Variants in TNC observed in about 807,000 individuals in gnomAD.
TNC encodes tenascin C, also known as tenascin.
Under a neutral mutation model 202.4 loss-of-function variants are expected in TNC, and 109 were observed. The ratio of observed to expected loss-of-function variants is 0.54; its 90% CI spans 0.46 to 0.63. The LOEUF is 0.63. Ranked by LOEUF, TNC falls within the 30% of genes least tolerant of loss-of-function variation. The pLI is 0.00. For synonymous variants in TNC, 1,007 were observed against 1,089.7 expected, an observed-to-expected ratio of 0.92 and a Z score of 1.50; for missense variants, 2,756 against 2,833.3, an observed-to-expected ratio of 0.97 and a Z score of 0.62.
At chr9:115,072,362 C>T (rs1833530571) in intron 10 of TNC, among the ~76,000 whole-genome samples, 1 of 152,178 alleles carries the variant, frequency 6.6e-6, no homozygotes, top group South Asian at 2.1e-4. Flanking sequence ...GGGTGCCTGA[C>T]AATTTGAAAC....
At chr9:115,095,462 A>G (rs1835581656) in intron 1 of TNC, among the ~76,000 whole-genome samples, 1 of 56,878 alleles carries the variant, frequency 1.8e-5, no homozygotes, top group African/African-American at 6.8e-5. Flanking sequence ...ATATATGTAT[A>G]TATATATGTA....
Position 115,029,436 on chromosome 9 carries a change from G to C in TNC, c.6093C>G (p.Asn2031Lys). The change falls in exon 25 of 28, where the codon AAC becomes AAG. Residue 2031 changes from asparagine (N) to lysine (K), a missense_variant. Coordinates refer to ENST00000350763, the MANE Select transcript of TNC (RefSeq NM_002160.4). ...AGTTTTGGTAGAAGTTCTCGCGTCC[G>C]TTTTTGCGTCTCAGGAACACCTATA... ...GGWIVFLRRK[N>K]GRENFYQNWK... is the part of the protein sequence containing the mutation. 1 of 1,614,102 alleles carries C rather than the reference G, an allele frequency of 6.2e-7. No homozygotes were observed. Among genetic ancestry groups the C allele is most frequent in the Non-Finnish European group, 8.5e-7 (1 of 1,179,996 alleles).
In TNC at chr9:115,073,856, C is replaced by T. The variant is rs757101285; in HGVS notation, c.2961G>A (p.Thr987=). Residue 987 remains threonine (T), a synonymous_variant, in exon 10 of 28, where the codon ACG becomes ACA. Coordinates refer to ENST00000350763, the MANE Select transcript of TNC (RefSeq NM_002160.4). ...TTTCAGAAACCTGAAGGTCCTTGGG[C>T]GTGTCCAACTCTGGGAGGAGAACAG... ...ATINAATELD[T]PKDLQVSETA... is the part of the protein sequence containing the mutation. The T allele has an allele frequency of 1.6e-5, 26 of 1,610,048 alleles. No individual in the cohort carries two copies. Among genetic ancestry groups the T allele is most frequent in the African/African-American group, 1.1e-4 (8 of 74,898 alleles).
intron 16 of TNC, 81 bp downstream of exon 16, chr9:115,048,179 T>C: frequency 6.6e-7 from 1 of 1,519,744 alleles, no homozygotes; most frequent in Middle Eastern, 2.2e-4. Context: ...ACAAAGATGT[T>C]AAAGTCATGG....
chr9:115,054,621 G>A (rs1321261101), intron 15 of TNC, among the ~76,000 whole-genome samples: 2 of 152,140 alleles, frequency 1.3e-5, no homozygotes, highest in Non-Finnish European at 2.9e-5. Context: ...ACCAAGCTGA[G>A]AAATGAGATG....
intron 13 of TNC, among the ~76,000 whole-genome samples, chr9:115,062,334 C>T (rs377227603): frequency 1.7e-4 from 26 of 152,052 alleles, no homozygotes; most frequent in South Asian, 2.1e-4. Flanking sequence ...AGGTAGGGCA[C>T]GCTGGCTCAT....
At position 115,086,952 on chromosome 9, in the gene TNC, T is replaced by A; in HGVS notation, c.779A>T (p.His260Leu). Residue 260 changes from histidine to leucine, a missense_variant, in exon 3 of 28, where the codon CAC becomes CTC. Physicochemically the swap from His to Leu is moderately conservative, Grantham distance 99. Transcript: ENST00000350763. ...ACACAAGCCATCTACACATGTGCCGTGCTCCTCACTGCAGGGCACTGGGCA... is the reference window on the plus strand; with the variant it reads ...ACACAAGCCATCTACACATGTGCCGAGCTCCTCACTGCAGGGCACTGGGCA... ...EICPVPCSEEHGTCVDGLCVC... is the reference protein window; with the variant it reads ...EICPVPCSEELGTCVDGLCVC... 6.2e-7 allele frequency: 1 copy of A among 1,614,206 alleles called. No individual in the cohort carries two copies. Among genetic ancestry groups the A allele is most frequent in the South Asian group, 1.1e-5 (1 of 91,088 alleles).
intron 1 of TNC, among the ~76,000 whole-genome samples, chr9:115,099,648 A>G (rs974385012): frequency 6.6e-6 from 1 of 152,228 alleles, no homozygotes; most frequent in African/African-American, 2.4e-5. Context: ...AGTTCTTTCA[A>G]CTGAAAGTGA....
In TNC at chr9:115,046,630, A is replaced by G; in HGVS notation, c.4905T>C (p.Gly1635=). The G allele has an allele frequency of 6.2e-7, 1 of 1,613,926 alleles. No homozygotes were observed. The highest frequency in any genetic ancestry group is 8.5e-7 in the Non-Finnish European group (1 of 1,179,986). ...CATCAGCTGTCCAGGACAGACGGAA[A>G]CCGTCTGGGGTGGCATCTGAAACCA... ...NLLVSDATPD[G]FRLSWTADEG... Residue 1635 remains glycine, a synonymous_variant, in exon 17 of 28, where the codon GGT becomes GGC. Coordinates refer to ENST00000350763, the MANE Select transcript of TNC (RefSeq NM_002160.4).
chr9:115,089,523 G>A (rs1835054050), intron 2 of TNC, among the ~76,000 whole-genome samples: 1 of 150,298 alleles, frequency 6.7e-6, no homozygotes, highest in Non-Finnish European at 1.5e-5. Context: ...TTTTTCGGAT[G>A]GTGTTTTGCT....
In TNC at chr9:115,066,828, C is replaced by T. The variant is rs1339707548; in HGVS notation, c.3215-1909G>A. ...ATTGGAGCATAGCCATGCTTGTTCA[C>T]TTATATATTGTTGATGGCTGCTTTT... On this transcript the variant is annotated intron_variant, in intron 10 of 27. Coordinates refer to ENST00000350763, the MANE Select transcript of TNC (RefSeq NM_002160.4). Among the ~76,000 whole-genome samples, 4 of 152,212 alleles carry T rather than the reference C, an allele frequency of 2.6e-5. No individual in the cohort carries two copies. The East Asian group carries it at 5.8e-4, about 22-fold the overall frequency.
At chr9:115,036,743 GC>G (rs1222830380) in intron 20 of TNC, among the ~76,000 whole-genome samples, 4 of 152,216 alleles carry the variant, frequency 2.6e-5, no homozygotes, top group African/African-American at 4.8e-5. Flanking sequence ...TATCTCTCAG[GC>G]CTGCTGGGTC....
At chr9:115,106,023 C>T (rs2134169246) in intron 1 of TNC, among the ~76,000 whole-genome samples, 1 of 152,220 alleles carries the variant, frequency 6.6e-6, no homozygotes, top group Middle Eastern at 3.4e-3. Flanking sequence ...ATCCTAGACC[C>T]TTACTCCTTT....
At chr9:115,110,456 A>G (rs1396905085) in intron 1 of TNC, among the ~76,000 whole-genome samples, 1 of 152,110 alleles carries the variant, frequency 6.6e-6, no homozygotes, top group African/African-American at 2.4e-5. Flanking sequence ...GCAGTGGCCC[A>G]TCTGTGAGAT....
intron 26 of TNC, among the ~76,000 whole-genome samples, chr9:115,025,411 C>A (rs1829401227): frequency 6.6e-6 from 1 of 152,144 alleles, no homozygotes; most frequent in South Asian, 2.1e-4. Flanking sequence ...TATCTGGAGA[C>A]TTTTCACCTT....
intron 18 of TNC, among the ~76,000 whole-genome samples, chr9:115,041,753 T>G (rs573541828): frequency 2.0e-5 from 3 of 152,316 alleles, no homozygotes; most frequent in Non-Finnish European, 4.4e-5. Context: ...GGCTTCCTCC[T>G]TGTGGTCTCT....
Position 115,076,585 on chromosome 9 carries a change from A to G in TNC, c.2675-10T>C, listed in dbSNP as rs1240496877. 5 of 1,613,768 alleles carry G rather than the reference A, an allele frequency of 3.1e-6. No homozygotes were observed. The highest frequency in any genetic ancestry group is 4.2e-6 in the Non-Finnish European group (5 of 1,179,826). On this transcript the variant is annotated splice_polypyrimidine_tract_variant and intron_variant, in intron 7 of 27. Coordinates refer to ENST00000350763, the MANE Select transcript of TNC (RefSeq NM_002160.4). ...CTGGGAGCATCGAGGCCTGTTTGAG[A>G]GAAGGAACATTTGTATTGAACATAT...
Position 115,087,089 on chromosome 9 carries a change from C to G in TNC, c.642G>C (p.Glu214Asp), listed in dbSNP as rs777831713. 2 of 1,614,084 alleles carry G rather than the reference C, an allele frequency of 1.2e-6. No individual in the cohort carries two copies. Among genetic ancestry groups the G allele is most frequent in the South Asian group, 2.2e-5 (2 of 91,082 alleles). The change falls in exon 3 of 28, where the codon GAG becomes GAC. Residue 214 changes from glutamate to aspartate, a missense_variant. Physicochemically the swap from Glu to Asp is conservative, Grantham distance 45 (BLOSUM62 2). Around this residue, in one of 2 missense-constraint regions of TNC, gnomAD observed 2,559 missense variants for 2,546.0 expected, o/e 1.01. Coordinates refer to ENST00000350763, the MANE Select transcript of TNC (RefSeq NM_002160.4). Reference sequence around the variant, plus strand: ...TGGGGCAAGCCAGCTGGCTGCAGTCCTCGCCCGTGAAGCCGTCGTCACAGA... The same window carrying G: ...TGGGGCAAGCCAGCTGGCTGCAGTCGTCGCCCGTGAAGCCGTCGTCACAGA... ...QCICDDGFTG[E>D]DCSQLACPSD...
chr9:115,023,627 A>G (rs777480292), intron 27 of TNC, among the ~76,000 whole-genome samples: 3 of 152,222 alleles, frequency 2.0e-5, no homozygotes, highest in African/African-American at 4.8e-5. Context: ...GCCCCAGGCC[A>G]GGGGTTCTGT....
Sources: gnomAD v4.1 joint callset for allele counts (sites outside exome capture counted in the v4.1 genomes callset) on GRCh38, gnomAD v4.1.1 for gene constraint, gnomAD v4.1.1 regional missense constraint, MANE v1.5 for transcripts, NCBI Gene and HGNC (gene_info 2026-07-23, HGNC 2026-07-21) for gene names.